Variants in LUZP2 observed in about 807,000 individuals in gnomAD.
LUZP2 encodes leucine zipper protein 2.
A neutral mutation model predicts 51.6 loss-of-function variants in LUZP2; 52 were observed. The ratio of observed to expected loss-of-function variants is 1.01; its 90% CI spans 0.81 to 1.27. The LOEUF (loss-of-function observed/expected upper bound fraction) is 1.27. Among genes scored for constraint, LUZP2 ranks in the 50% most tolerant of loss-of-function variants. The pLI, the probability that LUZP2 is intolerant of heterozygous loss-of-function variation, is 0.00. For synonymous variants in LUZP2, 154 were observed against 137.3 expected, an observed-to-expected ratio of 1.12 and a Z score of -0.85; for missense variants, 436 against 395.4, an observed-to-expected ratio of 1.10 and a Z score of -0.87.
intron 1 of LUZP2, among the ~76,000 whole-genome samples, chr11:24,574,213 T>A: frequency 4.2e-4 from 1 of 2,394 alleles, no homozygotes; most frequent in African/African-American, 5.1e-4. Flanking sequence ...TCTTCCTTCC[T>A]TTCTTTCTTT....
intron 9 of LUZP2, among the ~76,000 whole-genome samples, chr11:25,001,744 ACTTT>A (rs1332383675): frequency 6.7e-6 from 1 of 149,314 alleles, no homozygotes; most frequent in Non-Finnish European, 1.5e-5. Context: ...TCCTTCTTTG[ACTTT>A]CTGTCAGTCT....
chr11:24,759,764 A>C (rs945564533), intron 4 of LUZP2, among the ~76,000 whole-genome samples: 1 of 152,160 alleles, frequency 6.6e-6, no homozygotes, highest in Non-Finnish European at 1.5e-5. Context: ...TGGGGGATGC[A>C]CTGTTACTCT....
chr11:24,985,606 A>G (rs755358484), intron 9 of LUZP2, among the ~76,000 whole-genome samples: 4 of 151,840 alleles, frequency 2.6e-5, no homozygotes, highest in Non-Finnish European at 4.4e-5. Context: ...AGTCATAATA[A>G]TTGTCATGAC....
intron 1 of LUZP2, among the ~76,000 whole-genome samples, chr11:24,524,558 T>G (rs985819657): frequency 4.0e-5 from 6 of 151,736 alleles, no homozygotes; most frequent in Non-Finnish European, 8.9e-5. Context: ...CCATAGAAAT[T>G]TTTACTAAGC....
intron 10 of LUZP2, 56 bp downstream of exon 10, chr11:25,050,186 C>A: frequency 1.0e-6 from 1 of 984,884 alleles, no homozygotes; most frequent in Non-Finnish European, 1.5e-6. Context: ...AAAGCACAAG[C>A]ATTTTAGCAA....
intron 1 of LUZP2, among the ~76,000 whole-genome samples, chr11:24,549,084 A>C (rs1033823944): frequency 6.6e-6 from 1 of 151,972 alleles, no homozygotes; most frequent in Admixed American, 6.6e-5. Flanking sequence ...TTTTAATTTT[A>C]ATTTTTTGAT....
At chr11:24,632,494 T>G in intron 1 of LUZP2, among the ~76,000 whole-genome samples, 1 of 151,974 alleles carries the variant, frequency 6.6e-6, no homozygotes, top group South Asian at 2.1e-4. Flanking sequence ...GTGAGTTCTA[T>G]TATCAGCACA....
At chr11:24,971,003 G>C (rs570871438) in intron 7 of LUZP2, among the ~76,000 whole-genome samples, 1 of 152,158 alleles carries the variant, frequency 6.6e-6, no homozygotes, top group East Asian at 1.9e-4. Flanking sequence ...CAGCAACATG[G>C]ATGAAGATGG....
At chr11:24,690,716 C>G (rs11028107) in intron 1 of LUZP2, among the ~76,000 whole-genome samples, 27,903 of 151,884 alleles carry the variant, frequency 0.18, 2,651 homozygotes, top group East Asian at 0.32. Context: ...TCTCTACCAA[C>G]TGTAGTGAGA....
intron 7 of LUZP2, among the ~76,000 whole-genome samples, chr11:24,931,479 G>A (rs1445113223): frequency 1.3e-5 from 2 of 152,080 alleles, no homozygotes; most frequent in Non-Finnish European, 2.9e-5. Flanking sequence ...ATAGGCCCAG[G>A]GGACTGGCAT....
intron 7 of LUZP2, among the ~76,000 whole-genome samples, chr11:24,938,512 C>T (rs1217703228): frequency 6.6e-6 from 1 of 151,826 alleles, no homozygotes; most frequent in Non-Finnish European, 1.5e-5. Context: ...TGCTGATATA[C>T]TGAAAATTTA....
intron 1 of LUZP2, among the ~76,000 whole-genome samples, chr11:24,687,157 G>A (rs1590348117): frequency 6.6e-6 from 1 of 152,046 alleles, no homozygotes; most frequent in East Asian, 1.9e-4. Flanking sequence ...GTAGTTTTAG[G>A]TCCCTAACAT....
chr11:24,900,925 C>T (rs1036183564), intron 5 of LUZP2, among the ~76,000 whole-genome samples: 10 of 152,116 alleles, frequency 6.6e-5, no homozygotes, highest in African/African-American at 1.9e-4. Context: ...GCTTTGAAGC[C>T]TCTGCTGTTT....
intron 4 of LUZP2, among the ~76,000 whole-genome samples, chr11:24,743,793 C>T (rs1479951332): frequency 6.6e-6 from 1 of 152,036 alleles, no homozygotes; most frequent in Non-Finnish European, 1.5e-5. Context: ...ATGCTTTCAA[C>T]TTTTCCCCAT....
At chr11:24,792,649 G>A (rs1219638561) in intron 5 of LUZP2, among the ~76,000 whole-genome samples, 1 of 152,098 alleles carries the variant, frequency 6.6e-6, no homozygotes, top group African/African-American at 2.4e-5. Context: ...TAGTAAAAAG[G>A]AGAGACTGGA....
intron 9 of LUZP2, among the ~76,000 whole-genome samples, chr11:25,038,909 G>A (rs1348776630): frequency 6.6e-6 from 1 of 152,190 alleles, no homozygotes; most frequent in Non-Finnish European, 1.5e-5. Flanking sequence ...GGTAGAATTA[G>A]TAAAGTGATT....
At chr11:24,660,977 T>C (rs1856002435) in intron 1 of LUZP2, among the ~76,000 whole-genome samples, 1 of 152,168 alleles carries the variant, frequency 6.6e-6, no homozygotes, top group Non-Finnish European at 1.5e-5. Context: ...CTTGGAGAAA[T>C]GTATTTTCTG....
intron 5 of LUZP2, among the ~76,000 whole-genome samples, chr11:24,862,624 C>G (rs1348388950): frequency 6.6e-6 from 1 of 152,112 alleles, no homozygotes; most frequent in Non-Finnish European, 1.5e-5. Context: ...CATCGGTGTG[C>G]TGTATTCAGG....
intron 5 of LUZP2, among the ~76,000 whole-genome samples, chr11:24,818,299 C>A (rs1405723013): frequency 3.3e-5 from 5 of 152,090 alleles, no homozygotes; most frequent in Admixed American, 2.0e-4. Flanking sequence ...GAAAAGTTTT[C>A]TTTGCTTTTA....
Sources: allele counts gnomAD v4.1 joint callset (sites outside exome capture counted in the v4.1 genomes callset), GRCh38; gene constraint gnomAD v4.1.1; transcripts MANE v1.5; gene names NCBI Gene and HGNC (gene_info 2026-07-23, HGNC 2026-07-21).